The following PDHA1 variants were observed in gnomAD, a reference collection of about 807,000 sequenced individuals.
The protein encoded by PDHA1 is pyruvate dehydrogenase E1 subunit alpha 1, also known as pyruvate dehydrogenase E1 component subunit alpha, somatic form, mitochondrial.
A neutral mutation model predicts 33.0 loss-of-function variants in PDHA1; 1 was observed. The ratio of observed to expected loss-of-function variants is 0.03; its 90% CI spans 0.01 to 0.14. The LOEUF is 0.14. PDHA1 is among the 10% of genes least tolerant of loss of function. PDHA1 has a pLI of 1.00. For missense variants in PDHA1, 168 were observed against 325.1 expected (o/e 0.52, Z 3.72); for synonymous variants, 123 against 119.2 (o/e 1.03, Z -0.21).
At position 19,359,670 on chromosome X, in the gene PDHA1, G is replaced by A; in HGVS notation, c.*17G>A. On this transcript the variant is annotated 3_prime_UTR_variant, in exon 11 of 11. Transcript: ENST00000422285. ...GTCAGTTAAGGGGAGGAGAAGGAGA[G>A]GTTATACCTTCAGGGGGCTACCAGA... The A allele has an allele frequency of 5.1e-6, 6 of 1,186,436 alleles. No homozygotes were observed. The highest frequency in any genetic ancestry group is 6.9e-6 in the Non-Finnish European group (6 of 872,885).
rs747051654 is a variant in PDHA1, at chrX:19,346,599, C to G, written c.57+2505C>G. ...TCGGCCTCCCAAAGTGCTGGGATTA[C>G]TCTCACTCTCTTAAAACCAGGCAGG... On this transcript the variant is annotated intron_variant, in intron 1 of 10. Coordinates refer to ENST00000422285, the MANE Select transcript of PDHA1 (RefSeq NM_000284.4). The G allele has an allele frequency of 2.6e-5, 25 of 963,384 alleles. No homozygotes were observed. In the South Asian group the frequency reaches 7.9e-4, roughly 30 times the overall value. 79.4% of individuals were successfully genotyped at this position (963,384 alleles called of 1,213,427 possible).
intron 1 of PDHA1, 37 bp downstream of exon 1, chrX:19,344,131 T>TA (rs1181672765): frequency 8.8e-7 from 1 of 1,140,850 alleles, no homozygotes; most frequent in South Asian, 1.9e-5. Context: ...GGGGCGCGAG[T>TA]GGGGCTGAGG....
At chrX:19,355,788 C>T in intron 8 of PDHA1, 31 bp downstream of exon 8, 1 of 1,078,501 alleles carries the variant, frequency 9.3e-7, no homozygotes, top group Non-Finnish European at 1.3e-6. Flanking sequence ...GGGCTAGTGA[C>T]ATTTATCTCT....
intron 6 of PDHA1, among the ~76,000 whole-genome samples, chrX:19,355,139 G>T (rs1199653522): frequency 8.9e-6 from 1 of 111,775 alleles, no homozygotes; most frequent in Admixed American, 9.6e-5. Flanking sequence ...TAGTTGGTTT[G>T]TCACCTTCCT....
At position 19,359,938 on chromosome X, in the gene PDHA1, G is replaced by C. The variant is rs1418233062; in HGVS notation, c.*285G>C. On this transcript the variant is annotated 3_prime_UTR_variant, in exon 11 of 11. Transcript: ENST00000422285. ...AATTCCTTGTATGCCTGTTTCCCCT[G>C]CCCCCAGCCACCTTTTTGGGAGGAG... 4.8e-5 allele frequency: 16 copies of C among 331,612 alleles called. No individual in the cohort carries two copies. Among genetic ancestry groups the C allele is most frequent in the Non-Finnish European group, 7.5e-5 (14 of 185,726 alleles). 27.3% of individuals were successfully genotyped at this position (331,612 alleles called of 1,213,427 possible).
chrX:19,355,786 G>C lies in PDHA1; in HGVS notation c.831+29G>C, dbSNP rs1262346595. On this transcript the variant is annotated intron_variant, in intron 8 of 10. Coordinates refer to ENST00000422285, the MANE Select transcript of PDHA1 (RefSeq NM_000284.4). ...AGGCTCTAAAGCCCTCTGGGCTAGT[G>C]ACATTTATCTCTGGAAGTTCAAAGA... 9.2e-6 allele frequency: 10 copies of C among 1,082,058 alleles called. No individual in the cohort carries two copies. In the East Asian group the frequency reaches 3.0e-4, roughly 32 times the overall value. The allele number at this position is 1,082,058 out of a possible 1,213,427, so 89.2% of individuals were successfully genotyped here.
At chrX:19,344,227 C>A (rs2063115750) in intron 1 of PDHA1, 133 bp downstream of exon 1, 1 of 524,288 alleles carries the variant, frequency 1.9e-6, no homozygotes, top group African/African-American at 2.3e-5. Flanking sequence ...TTTACTTCGC[C>A]TCCGCGCCCT....
chrX:19,351,396 C>G lies in PDHA1; in HGVS notation c.407C>G (p.Ala136Gly). Residue 136 changes from alanine (A) to glycine (G), a missense_variant, in exon 4 of 11, where the codon GCA (alanine) becomes GGA (glycine). This residue lies in a region of PDHA1 where 35 missense variants were observed against 148.5 expected (regional missense o/e 0.24). Transcript: ENST00000422285. The stretch of plus-strand genomic sequence containing the variant: ...GGCCTTTCCGTCCGAGAAATTCTCG[C>G]AGAGCTTACAGGTTTGCTGTTGATT... ...TRGLSVREIL[A>G]ELTGRKGGCA... 8.3e-7 allele frequency: 1 copy of G among 1,208,276 alleles called. No homozygotes were observed. The highest frequency in any genetic ancestry group is 3.0e-5 in the East Asian group (1 of 33,839).
chrX:19,346,867 A>G (rs989445057), intron 1 of PDHA1, among the ~76,000 whole-genome samples: 10 of 112,544 alleles, frequency 8.9e-5, no homozygotes, highest in African/African-American at 3.2e-4. Flanking sequence ...AGTGGTAGGT[A>G]AGAGTTTTAA....
intron 5 of PDHA1, among the ~76,000 whole-genome samples, chrX:19,353,877 T>C (rs2063178527): frequency 8.9e-6 from 1 of 111,865 alleles, no homozygotes; most frequent in African/African-American, 3.2e-5. Flanking sequence ...CAGCACAAAA[T>C]TATATCCGGA....
intron 4 of PDHA1, among the ~76,000 whole-genome samples, chrX:19,351,818 A>ATTTTTTTTTTT (rs2063164889): frequency 2.6e-5 from 1 of 38,250 alleles, no homozygotes; most frequent in African/African-American, 3.6e-4. Context: ...TTTTTTTTTG[A>ATTTTTTTTTTT]GACTGTGTCT....
In PDHA1 at chrX:19,350,899, C is replaced by T. The variant is rs145183221; in HGVS notation, c.292-382C>T. Among the ~76,000 whole-genome samples the T allele has an allele frequency of 5.3e-3, 591 of 111,713 alleles. 1 individual carries two copies. Among genetic ancestry groups the T allele is most frequent in the African/African-American group, 0.018 (560 of 30,748 alleles). ...TGAACTGGCACCAGCATGCCCTACC[C>T]AGAGGAATGCCATGACTTGGTTCCA... On this transcript the variant is annotated intron_variant, in intron 3 of 10. Coordinates refer to ENST00000422285, the MANE Select transcript of PDHA1 (RefSeq NM_000284.4).
chrX:19,358,896 C>T lies in PDHA1; in HGVS notation c.900-20C>T. 1.0e-6 allele frequency: 1 copy of T among 954,827 alleles called. No homozygotes were observed. The highest frequency in any genetic ancestry group is 1.5e-6 in the Non-Finnish European group (1 of 660,990). The allele number at this position is 954,827 out of a possible 1,213,427, so 78.7% of individuals were successfully genotyped here. A position where few individuals can be genotyped will look rare whatever the true frequency, so the allele number is the denominator to read the frequency against. ...TGGAACTGCTCTTACTGATCGATTACTACTTTTCCCTCCCCATAGTTACCG... is the reference window on the plus strand; with the variant it reads ...TGGAACTGCTCTTACTGATCGATTATTACTTTTCCCTCCCCATAGTTACCG... On this transcript the variant is annotated intron_variant, in intron 9 of 10. Transcript: ENST00000422285.
chrX:19,349,560 G>A (rs956861426), intron 2 of PDHA1, among the ~76,000 whole-genome samples, 189 bp downstream of exon 2: 1 of 111,613 alleles, frequency 9.0e-6, no homozygotes, highest in Non-Finnish European at 1.9e-5. Flanking sequence ...GTTGTTCTGT[G>A]GGGGGAAGGG....
At chrX:19,347,237 C>G (rs1002557265) in intron 1 of PDHA1, among the ~76,000 whole-genome samples, 2 of 111,904 alleles carry the variant, frequency 1.8e-5, no homozygotes, top group Admixed American at 1.9e-4. Context: ...TTCGTGGTCT[C>G]TGTCAGAGAG....
chrX:19,361,309 C>T lies in PDHA1; in HGVS notation c.*1656C>T, dbSNP rs1482548800. ...ATATTCACACATAAAAAGTTGTATT[C>T]TCTTATACAAACTGTTTTGAGGCTC... On this transcript the variant is annotated 3_prime_UTR_variant, in exon 11 of 11. Transcript: ENST00000422285. 1.8e-6 allele frequency: 2 copies of T among 1,128,019 alleles called. No homozygotes were observed. Among genetic ancestry groups the T allele is most frequent in the Non-Finnish European group, 1.2e-6 (1 of 826,561 alleles). 93.0% of individuals were successfully genotyped at this position (1,128,019 alleles called of 1,213,427 possible).
chrX:19,355,544 C>T, intron 7 of PDHA1, 40 bp downstream of exon 7: 1 of 1,141,465 alleles, frequency 8.8e-7, no homozygotes, highest in Non-Finnish European at 1.2e-6. Context: ...AAGGCCAAGG[C>T]CAAGGGTATG....
At chrX:19,359,055 G>A in intron 10 of PDHA1, 31 bp downstream of exon 10, 1 of 1,001,061 alleles carries the variant, frequency 1.0e-6, no homozygotes, top group Non-Finnish European at 1.4e-6. Flanking sequence ...TGGTTTGAAG[G>A]TTGGCTTTAA....
At position 19,361,546 on chromosome X, in the gene PDHA1, C is replaced by G. The variant is rs1350886167; in HGVS notation, c.*1893C>G. The G allele has an allele frequency of 1.7e-6, 2 of 1,210,442 alleles. No individual in the cohort carries two copies. Among genetic ancestry groups the G allele is most frequent in the African/African-American group, 3.5e-5 (2 of 57,449 alleles). On this transcript the variant is annotated 3_prime_UTR_variant, in exon 11 of 11. Coordinates refer to ENST00000422285, the MANE Select transcript of PDHA1 (RefSeq NM_000284.4). ...TGCAGCCGCAACCAGTCTATAAGCT[C>G]TTTATCTGTTCTCTGCCCGTAGGGG...
Sources: allele counts gnomAD v4.1 joint callset (sites outside exome capture counted in the v4.1 genomes callset), GRCh38; gene constraint gnomAD v4.1.1; regional missense constraint gnomAD v4.1.1; transcripts MANE v1.5; gene names NCBI Gene and HGNC (gene_info 2026-07-23, HGNC 2026-07-21).